The following ASXL3 variants were observed in gnomAD, a reference collection of about 807,000 sequenced individuals.
ASXL3 encodes putative Polycomb group protein ASXL3.
ASXL3 carries 34 observed loss-of-function variants against 170.6 expected under a neutral mutation model. The observed-to-expected ratio is 0.20, with a 90% confidence interval of 0.15 to 0.27. The LOEUF is 0.27. Among genes scored for constraint, ASXL3 ranks in the 10% least tolerant of loss-of-function variants. ASXL3 has a pLI of 1.00. For synonymous variants in ASXL3, 1,002 were observed against 989.1 expected, an observed-to-expected ratio of 1.01 and a Z score of -0.24; for missense variants, 2,592 against 2,695.3, an observed-to-expected ratio of 0.96 and a Z score of 0.85.
intron 8 of ASXL3, among the ~76,000 whole-genome samples, chr18:33,717,029 C>T (rs537711804): frequency 1.1e-4 from 16 of 152,146 alleles, no homozygotes; most frequent in African/African-American, 3.1e-4. Flanking sequence ...CCCAGATTCT[C>T]GTTCCCTATA....
intron 2 of ASXL3, among the ~76,000 whole-genome samples, chr18:33,640,910 G>T (rs929788742): frequency 2.0e-5 from 3 of 151,980 alleles, no homozygotes; most frequent in Middle Eastern, 3.4e-3. Flanking sequence ...TTTAAAAAAT[G>T]AGGCTAAAAG....
chr18:33,744,055 G>A lies in ASXL3; in HGVS notation c.4207G>A (p.Val1403Ile). The change falls in exon 12 of 12, where the codon GTC becomes ATC. Residue 1403 changes from valine to isoleucine, a missense_variant. Around this residue, in one of 4 missense-constraint regions of ASXL3, gnomAD observed 2,246 missense variants for 2,219.6 expected, o/e 1.01. Coordinates refer to ENST00000269197, the MANE Select transcript of ASXL3 (RefSeq NM_030632.3). ...CCTCAGCTGCAGTGATTCTGTAGCG[G>A]TCACAGACTCTCTGGTTGCACACCC... ...AALSCSDSVAVTDSLVAHPTV... is the reference protein window; with the variant it reads ...AALSCSDSVAITDSLVAHPTV... 1 of 1,613,988 alleles carries A rather than the reference G, an allele frequency of 6.2e-7. No homozygotes were observed. The highest frequency in any genetic ancestry group is 8.5e-7 in the Non-Finnish European group (1 of 1,179,894).
intron 1 of ASXL3, among the ~76,000 whole-genome samples, chr18:33,585,591 G>A (rs1054493890): frequency 6.6e-6 from 1 of 152,174 alleles, no homozygotes; most frequent in Non-Finnish European, 1.5e-5. Flanking sequence ...CTGGTTGATT[G>A]ACATATAGCC....
chr18:33,704,197 A>C (rs1799532630), intron 8 of ASXL3, among the ~76,000 whole-genome samples: 1 of 152,160 alleles, frequency 6.6e-6, no homozygotes, highest in Admixed American at 6.6e-5. Context: ...TCTATGACTA[A>C]AAACACCTCA....
chr18:33,609,307 G>T (rs1336076439), intron 2 of ASXL3, among the ~76,000 whole-genome samples: 1 of 151,936 alleles, frequency 6.6e-6, no homozygotes, highest in Admixed American at 6.6e-5. Flanking sequence ...TCTTATGTGG[G>T]CTTTGTTGCC....
At chr18:33,592,342 G>A (rs998952963) in intron 1 of ASXL3, among the ~76,000 whole-genome samples, 3 of 152,294 alleles carry the variant, frequency 2.0e-5, no homozygotes, top group Non-Finnish European at 4.4e-5. Context: ...ACATGAGCAA[G>A]TAGATATTAC....
At chr18:33,676,070 A>G (rs1263663467) in intron 7 of ASXL3, among the ~76,000 whole-genome samples, 8 of 151,452 alleles carry the variant, frequency 5.3e-5, no homozygotes, top group Non-Finnish European at 1.2e-4. Flanking sequence ...TAAAACTACA[A>G]AAAATTAGCT....
In ASXL3 at chr18:33,692,608, A is replaced by C. The variant is rs111975422; in HGVS notation, c.879+9040A>C. On this transcript the variant is annotated intron_variant, in intron 8 of 11. Coordinates refer to ENST00000269197, the MANE Select transcript of ASXL3 (RefSeq NM_030632.3). Reference sequence around the variant, plus strand: ...TTTTTCTGTTTATTTCCTTCCTGGCACTCACTATAGTCTCTGATTAACTTA... The same window carrying C: ...TTTTTCTGTTTATTTCCTTCCTGGCCCTCACTATAGTCTCTGATTAACTTA... Among the ~76,000 whole-genome samples, 552 of 152,006 alleles carry C rather than the reference A, an allele frequency of 3.6e-3. 4 individuals are homozygous for C. The highest frequency in any genetic ancestry group is 5.1e-3 in the Non-Finnish European group (348 of 67,968).
At chr18:33,628,934 C>T (rs2065638716) in intron 2 of ASXL3, among the ~76,000 whole-genome samples, 1 of 152,022 alleles carries the variant, frequency 6.6e-6, no homozygotes, top group African/African-American at 2.4e-5. Flanking sequence ...TGTTGATGAT[C>T]GCTGTCTCTC....
chr18:33,720,779 A>C (rs1205880340), intron 8 of ASXL3, among the ~76,000 whole-genome samples: 3 of 152,088 alleles, frequency 2.0e-5, no homozygotes, highest in Non-Finnish European at 4.4e-5. Context: ...AGTTGTTTTT[A>C]CTGATTTTGC....
chr18:33,683,564 G>C lies in ASXL3; in HGVS notation c.875G>C (p.Arg292Thr). 6.2e-7 allele frequency: 1 copy of C among 1,610,646 alleles called. No individual in the cohort carries two copies. Among genetic ancestry groups the C allele is most frequent in the Non-Finnish European group, 8.5e-7 (1 of 1,178,584 alleles). The change falls in exon 8 of 12, where the codon AGG (arginine) becomes ACG (threonine). Residue 292 changes from arginine to threonine, a missense_variant. Coordinates refer to ENST00000269197, the MANE Select transcript of ASXL3 (RefSeq NM_030632.3). ...CTGCTTTTGCTCCCAGAAGTGGATA[G>C]GCAGGTAAGTAGAAGTTTTAGACAT... ...YLLLLLPEVD[R>T]QMGSDGILRL...
chr18:33,674,983 T>C (rs2066402807), intron 7 of ASXL3, among the ~76,000 whole-genome samples: 1 of 152,192 alleles, frequency 6.6e-6, no homozygotes, highest in Admixed American at 6.5e-5. Flanking sequence ...TATTTAATAC[T>C]CTGTAAGGGT....
In ASXL3 at chr18:33,738,813, A is replaced by C. The variant is rs80040227; in HGVS notation, c.1409A>C (p.His470Pro). 1.8e-3 allele frequency: 2,940 copies of C among 1,613,686 alleles called. 38 individuals are homozygous for C. The African/African-American group carries it at 0.034, about 19-fold the overall frequency. Reference protein sequence around the residue: ...TSICECQDENHKTIPEFSEEA... With the variant: ...TSICECQDENPKTIPEFSEEA... ...ATCTGTGAATGCCAGGATGAAAATC[A>C]TAAGACAATACCTGAATTTTCTGAG... Residue 470 changes from histidine to proline, a missense_variant, in exon 11 of 12, where the codon CAT (histidine) becomes CCT (proline). Transcript: ENST00000269197.
chr18:33,654,640 C>G (rs1287080405), intron 4 of ASXL3, among the ~76,000 whole-genome samples: 1 of 151,912 alleles, frequency 6.6e-6, no homozygotes, highest in African/African-American at 2.4e-5. Context: ...TATTTCTGTG[C>G]AGATGTTTCA....
chr18:33,710,664 T>C (rs1418756650), intron 8 of ASXL3, among the ~76,000 whole-genome samples: 1 of 152,216 alleles, frequency 6.6e-6, no homozygotes, highest in African/African-American at 2.4e-5. Context: ...ATTTTTGTCC[T>C]TAATGATCTA....
At position 33,655,313 on chromosome 18, in the gene ASXL3, T is replaced by TA. The variant is rs371724793; in HGVS notation, c.356-6302dup. Among the ~76,000 whole-genome samples, 457 of 152,158 alleles carry TA rather than the reference T, an allele frequency of 3.0e-3. 3 individuals carry two copies. Among genetic ancestry groups the TA allele is most frequent in the African/African-American group, 0.011 (443 of 41,534 alleles). On this transcript the variant is annotated intron_variant, in intron 4 of 11. Coordinates refer to ENST00000269197, the MANE Select transcript of ASXL3 (RefSeq NM_030632.3). The stretch of plus-strand genomic sequence containing the variant: ...TGGGCTAATGAAGCAGGTTATAAAA[T>TA]ATAGTAATCATTCCAGTTACATTAG...
chr18:33,675,253 G>T (rs887729631), intron 7 of ASXL3, among the ~76,000 whole-genome samples: 4 of 152,174 alleles, frequency 2.6e-5, no homozygotes, highest in African/African-American at 7.2e-5. Context: ...TGTGGAGAAG[G>T]TCATTCTTTG....
chr18:33,676,914 A>G (rs1457292254), intron 7 of ASXL3, among the ~76,000 whole-genome samples: 7 of 152,226 alleles, frequency 4.6e-5, no homozygotes, highest in Non-Finnish European at 1.0e-4. Context: ...AAAATTCTTT[A>G]GTAATATACT....
rs780959602 is a variant in ASXL3, at chr18:33,746,091, G to A, written c.6243G>A (p.Ser2081=). 20 of 1,613,322 alleles carry A rather than the reference G, an allele frequency of 1.2e-5. No homozygotes were observed. Among genetic ancestry groups the A allele is most frequent in the Admixed American group, 6.7e-5 (4 of 59,956 alleles). The change falls in exon 12 of 12, where the codon TCG becomes TCA. Residue 2081 remains serine (S), a synonymous_variant. Coordinates refer to ENST00000269197, the MANE Select transcript of ASXL3 (RefSeq NM_030632.3). ...CGGGCATATGTAGCAATATAAAATCGGAACCTCTTTCTTTTGAGGAAGGTT... is the reference window on the plus strand; with the variant it reads ...CGGGCATATGTAGCAATATAAAATCAGAACCTCTTTCTTTTGAGGAAGGTT... ...QSTGICSNIK[S]EPLSFEEGLS...
Sources: allele counts gnomAD v4.1 joint callset (sites outside exome capture counted in the v4.1 genomes callset), GRCh38; gene constraint gnomAD v4.1.1; regional missense constraint gnomAD v4.1.1; transcripts MANE v1.5; gene names NCBI Gene and HGNC (gene_info 2026-07-23, HGNC 2026-07-21).